LIPI: variants seen among roughly 807,000 people sequenced by gnomAD.
LIPI encodes lipase I, also known as lipase member I.
A neutral mutation model predicts 50.6 loss-of-function variants in LIPI; 59 were observed. The ratio of observed to expected loss-of-function variants is 1.16; its 90% CI spans 0.94 to 1.45. The LOEUF is 1.45. Ranked by LOEUF, LIPI falls within the 40% of genes most tolerant of loss-of-function variation. The pLI is 0.00. For missense variants in LIPI, 586 were observed against 536.3 expected (o/e 1.09, Z -0.92); for synonymous variants, 203 against 178.2 (o/e 1.14, Z -1.11).
chr21:14,149,632 G>C (rs919004035), intron 8 of LIPI, among the ~76,000 whole-genome samples: 30 of 152,146 alleles, frequency 2.0e-4, no homozygotes, highest in African/African-American at 7.2e-4. Context: ...AGATACAATG[G>C]GGGTACAAGC....
chr21:14,140,261 A>G (rs963587377), intron 9 of LIPI, among the ~76,000 whole-genome samples: 3 of 152,112 alleles, frequency 2.0e-5, no homozygotes, highest in African/African-American at 7.2e-5. Context: ...GAACAAAGAG[A>G]TTTCATGATT....
chr21:14,146,768 CTCTAT>C (rs2017919061), intron 8 of LIPI, among the ~76,000 whole-genome samples: 1 of 90,898 alleles, frequency 1.1e-5, no homozygotes, highest in African/African-American at 5.2e-5. Flanking sequence ...CTTTCCCAGT[CTCTAT>C]TTTTTTTTTT....
At chr21:14,205,525 C>T (rs116092104) in intron 1 of LIPI, among the ~76,000 whole-genome samples, 1,640 of 151,760 alleles carry the variant, frequency 0.011, 32 homozygotes, top group African/African-American at 0.038. Context: ...ACTGTAAACA[C>T]ATGTATATAT....
chr21:14,142,514 T>C (rs891632462), intron 9 of LIPI, among the ~76,000 whole-genome samples: 1 of 150,568 alleles, frequency 6.6e-6, no homozygotes, highest in Non-Finnish European at 1.5e-5. Context: ...GACAGTGTCC[T>C]GCTCTGTTGC....
chr21:14,140,115 A>G (rs11700847), intron 9 of LIPI, among the ~76,000 whole-genome samples: 22,429 of 152,180 alleles, frequency 0.15, 1,991 homozygotes, highest in South Asian at 0.22. Context: ...TTATAGGACA[A>G]CAAATTATAG....
At chr21:14,142,304 A>T (rs1237652312) in intron 9 of LIPI, among the ~76,000 whole-genome samples, 1 of 152,038 alleles carries the variant, frequency 6.6e-6, no homozygotes, top group Non-Finnish European at 1.5e-5. Context: ...CCAAAACTTA[A>T]AGTATAATTA....
At chr21:14,166,879 C>T (rs1021919237) in intron 4 of LIPI, among the ~76,000 whole-genome samples, 16 of 152,306 alleles carry the variant, frequency 1.1e-4, no homozygotes, top group East Asian at 3.9e-4. Flanking sequence ...GTGGGTGCAG[C>T]GCACCATGTG....
chr21:14,210,295 T>C (rs1001157255), intron 1 of LIPI, among the ~76,000 whole-genome samples: 1 of 152,254 alleles, frequency 6.6e-6, no homozygotes, highest in East Asian at 1.9e-4. Flanking sequence ...AGTTCTACCT[T>C]ATTACCATAA....
intron 8 of LIPI, among the ~76,000 whole-genome samples, chr21:14,148,661 G>A (rs1401683559): frequency 2.0e-5 from 3 of 152,252 alleles, no homozygotes; most frequent in South Asian, 2.1e-4. Flanking sequence ...TATAGCCTAC[G>A]TGTGTAGCAG....
At chr21:14,134,150 GGGCCCAAGAAGTCAA>G (rs1568841392) in intron 9 of LIPI, among the ~76,000 whole-genome samples, 2 of 152,134 alleles carry the variant, frequency 1.3e-5, no homozygotes, top group African/African-American at 4.8e-5. Context: ...AGGATCACTT[GGGCCCAAGAAGTCAA>G]GGCTGTAGTG....
At chr21:14,203,093 T>C (rs551971223) in intron 1 of LIPI, among the ~76,000 whole-genome samples, 1 of 152,310 alleles carries the variant, frequency 6.6e-6, no homozygotes, top group East Asian at 1.9e-4. Flanking sequence ...ATGCTCGTCA[T>C]CACTGGCCAT....
At chr21:14,186,528 A>G (rs1370697407) in intron 2 of LIPI, among the ~76,000 whole-genome samples, 1 of 152,176 alleles carries the variant, frequency 6.6e-6, no homozygotes, top group Non-Finnish European at 1.5e-5. Flanking sequence ...ATCAATTCCA[A>G]TTTTATTAAG....
In LIPI at chr21:14,173,271, T is replaced by C. The variant is rs141531603; in HGVS notation, c.644-6820A>G. Among the ~76,000 whole-genome samples the C allele has an allele frequency of 7.7e-3, 1,170 of 152,320 alleles. 12 individuals are homozygous for C. Among genetic ancestry groups the C allele is most frequent in the African/African-American group, 0.018 (747 of 41,568 alleles). ...ATCAGTGTGATGATTTGCTTTCACT[T>C]TTGGTCATAATTTCTAAGACCTGCT... On this transcript the variant is annotated intron_variant, in intron 4 of 9. Transcript: ENST00000681601.
At chr21:14,203,239 C>G (rs1383382401) in intron 1 of LIPI, among the ~76,000 whole-genome samples, 2 of 152,088 alleles carry the variant, frequency 1.3e-5, no homozygotes, top group East Asian at 3.9e-4. Flanking sequence ...GTTGGTGGGA[C>G]TGTAAACTAG....
intron 1 of LIPI, among the ~76,000 whole-genome samples, chr21:14,201,888 G>T (rs936600141): frequency 3.3e-5 from 5 of 152,166 alleles, no homozygotes; most frequent in African/African-American, 1.2e-4. Flanking sequence ...AAAAGAGGAA[G>T]TCAAATTGTC....
chr21:14,122,210 A>G (rs767448346), intron 9 of LIPI, among the ~76,000 whole-genome samples: 12 of 152,268 alleles, frequency 7.9e-5, no homozygotes, highest in Non-Finnish European at 1.3e-4. Context: ...TGGTAAAGGT[A>G]TAACAAAAAC....
chr21:14,115,747 C>T (rs550564666), intron 9 of LIPI, among the ~76,000 whole-genome samples: 1 of 152,202 alleles, frequency 6.6e-6, no homozygotes, highest in South Asian at 2.1e-4. Context: ...AGTGCGCAGG[C>T]AGACTACTGA....
intron 7 of LIPI, among the ~76,000 whole-genome samples, chr21:14,161,518 T>C (rs13051453): frequency 0.73 from 89,682 of 122,306 alleles, 33,379 homozygotes; most frequent in Middle Eastern, 0.9. Flanking sequence ...TATAGATATA[T>C]AGATATAGAT....
chr21:14,172,699 C>G (rs1418551501), intron 4 of LIPI, among the ~76,000 whole-genome samples: 1 of 151,166 alleles, frequency 6.6e-6, no homozygotes, highest in Non-Finnish European at 1.5e-5. Context: ...GGGAACATCA[C>G]ACTCTGGGGA....
Sources: gnomAD v4.1 joint callset for allele counts (sites outside exome capture counted in the v4.1 genomes callset) on GRCh38, gnomAD v4.1.1 for gene constraint, MANE v1.5 for transcripts, NCBI Gene and HGNC (gene_info 2026-07-23, HGNC 2026-07-21) for gene names.